BDP1: variants seen among roughly 807,000 people sequenced by gnomAD.
BDP1 encodes the protein transcription factor TFIIIB component B'' homolog.
In BDP1, 169 loss-of-function variants were observed where a neutral mutation model predicts 266.6. That is an observed-to-expected ratio of 0.63 (90% CI 0.56 to 0.72). The LOEUF is 0.72. BDP1 is among the 30% of genes least tolerant of loss of function. The pLI is 0.00. For missense variants in BDP1, 3,015 were observed against 3,053.8 expected, an observed-to-expected ratio of 0.99 and a Z score of 0.30; for synonymous variants, 1,090 against 1,022.4, an observed-to-expected ratio of 1.07 and a Z score of -1.26.
At chr5:71,496,300 C>G (rs912308119) in intron 12 of BDP1, among the ~76,000 whole-genome samples, 2 of 150,592 alleles carry the variant, frequency 1.3e-5, no homozygotes, top group African/African-American at 4.9e-5. Flanking sequence ...CAGTAAAGTA[C>G]TGTCACAATG....
Position 71,545,053 on chromosome 5 carries a change from A to T in BDP1, c.6578A>T (p.Glu2193Val). The T allele has an allele frequency of 6.2e-7, 1 of 1,613,046 alleles. No individual in the cohort carries two copies. The highest frequency in any genetic ancestry group is 8.5e-7 in the Non-Finnish European group (1 of 1,179,744). Residue 2193 changes from glutamate to valine, a missense_variant, in exon 32 of 39, where the codon GAA becomes GTA. By Grantham distance (121) the Glu-to-Val change is moderately radical. Around this residue, in one of 3 missense-constraint regions of BDP1, gnomAD observed 629 missense variants for 632.5 expected, o/e 0.99. Transcript: ENST00000358731. ...VNLTERNENQ[E>V]ESSQEVHMLS... ...CTCTCTTTCAGAAACGAAAATCAAG[A>T]AGAGAGCTCTCAGGAGGTTCACATG...
At chr5:71,484,001 A>G (rs1333463573) in intron 8 of BDP1, 105 bp downstream of exon 8, 2 of 931,650 alleles carry the variant, frequency 2.1e-6, no homozygotes, top group African/African-American at 1.7e-5. Context: ...TTGTTCCTGT[A>G]TTGGCATTAA....
intron 31 of BDP1, 36 bp from the exon 32 acceptor site, chr5:71,545,003 G>C: frequency 6.3e-7 from 1 of 1,592,540 alleles, no homozygotes; most frequent in Non-Finnish European, 8.6e-7. Flanking sequence ...TGATTTGCCT[G>C]ATTTCAAATG....
In BDP1 at chr5:71,491,635, G is replaced by A. The variant is rs571012264; in HGVS notation, c.1640+504G>A. On this transcript the variant is annotated intron_variant, in intron 11 of 38. Coordinates refer to ENST00000358731, the MANE Select transcript of BDP1 (RefSeq NM_018429.3). ...GAATTTTTTTTTACCTTGCATAACT[G>A]CACCTCTATACCTATTGAACAGCAA... 9.6e-4 allele frequency among the ~76,000 whole-genome samples: 146 copies of A among 152,118 alleles called. 2 individuals carry two copies. Among genetic ancestry groups the A allele is most frequent in the African/African-American group, 2.9e-3 (121 of 41,474 alleles).
intron 16 of BDP1, among the ~76,000 whole-genome samples, chr5:71,506,815 A>C (rs1486823467): frequency 1.4e-5 from 2 of 139,752 alleles, no homozygotes; most frequent in South Asian, 2.5e-4. Context: ...ACACACACAC[A>C]CACACACACC....
Position 71,532,223 on chromosome 5 carries a change from A to G in BDP1, c.5773-85A>G, listed in dbSNP as rs1267886184. On this transcript the variant is annotated intron_variant, in intron 25 of 38. Transcript: ENST00000358731. ...GATTATTTCTTCATTTTAGCGTTTCATCTTACTTATTCATGTTGAAGATGA... is the reference window on the plus strand; with the variant it reads ...GATTATTTCTTCATTTTAGCGTTTCGTCTTACTTATTCATGTTGAAGATGA... 5.9e-6 allele frequency: 7 copies of G among 1,187,934 alleles called. No homozygotes were observed. The East Asian group carries it at 1.5e-4, about 25-fold the overall frequency. 73.6% of individuals were successfully genotyped at this position (1,187,934 alleles called of 1,614,324 possible).
chr5:71,469,818 T>G (rs909987076), intron 6 of BDP1, among the ~76,000 whole-genome samples: 10 of 150,242 alleles, frequency 6.7e-5, no homozygotes, highest in African/African-American at 9.8e-5. Context: ...GGTTTCACCA[T>G]GTTGGCCCGG....
chr5:71,575,027 A>G, the BDP1 span, among the ~76,000 whole-genome samples: 2 of 152,232 alleles, frequency 1.3e-5, no homozygotes, highest in African/African-American at 4.8e-5. Context: ...TGTTCAACAA[A>G]GTGCTGAGAT....
chr5:71,509,264 A>ATG (rs1164392501), intron 16 of BDP1, among the ~76,000 whole-genome samples: 1 of 152,136 alleles, frequency 6.6e-6, no homozygotes, highest in East Asian at 1.9e-4. Context: ...ATATATATAT[A>ATG]TTTAAACTTA....
intron 18 of BDP1, among the ~76,000 whole-genome samples, chr5:71,512,973 G>C (rs887492774): frequency 7.0e-6 from 1 of 143,792 alleles, no homozygotes; most frequent in Admixed American, 7.5e-5. Context: ...CAGATGGGAA[G>C]ATCACTTGAG....
chr5:71,486,975 A>AAAAAGG (rs1036343636), intron 9 of BDP1, among the ~76,000 whole-genome samples: 1 of 152,192 alleles, frequency 6.6e-6, no homozygotes, highest in Non-Finnish European at 1.5e-5. Context: ...CTAGGATTAA[A>AAAAAGG]AAAAGGAACT....
intron 8 of BDP1, among the ~76,000 whole-genome samples, chr5:71,485,155 T>G (rs1468534382): frequency 6.6e-6 from 1 of 152,192 alleles, no homozygotes; most frequent in Non-Finnish European, 1.5e-5. Flanking sequence ...TTAAAATTTA[T>G]TGATCTTAAA....
In BDP1 at chr5:71,565,472, T is replaced by C. The variant is rs1743972813; in HGVS notation, c.*587T>C. 1 of 152,458 alleles carries C rather than the reference T, an allele frequency of 6.6e-6. No individual in the cohort carries two copies. Among genetic ancestry groups the C allele is most frequent in the African/African-American group, 2.4e-5 (1 of 41,462 alleles). 9.4% of individuals were successfully genotyped at this position (152,458 alleles called of 1,614,324 possible). A position where few individuals can be genotyped will look rare whatever the true frequency, so the allele number is the denominator to read the frequency against. On this transcript the variant is annotated 3_prime_UTR_variant, in exon 39 of 39. Coordinates refer to ENST00000358731, the MANE Select transcript of BDP1 (RefSeq NM_018429.3). ...ATTATAGCCATCATAACACAGTGCA[T>C]TGCTTTTTTATGTTTAGATATGTTT...
At chr5:71,551,323 CA>C (rs1742737500) in intron 34 of BDP1, among the ~76,000 whole-genome samples, 1 of 152,120 alleles carries the variant, frequency 6.6e-6, no homozygotes, top group Non-Finnish European at 1.5e-5. Context: ...TCTTAACGAG[CA>C]TACTGCGTTC....
intron 37 of BDP1, among the ~76,000 whole-genome samples, chr5:71,561,500 G>A (rs572344889): frequency 6.6e-6 from 1 of 152,334 alleles, no homozygotes; most frequent in Admixed American, 6.5e-5. Flanking sequence ...TTTGTAAAAT[G>A]GCATTTGTAT....
Position 71,455,685 on chromosome 5 carries a change from T to A in BDP1, c.-193T>A, listed in dbSNP as rs1761119557. ...ATTTAGCCATCGGTGTGTGGCAGGG[T>A]CATGAAAAAGCGGCGGCGGCGGGAG... On this transcript the variant is annotated 5_prime_UTR_variant, in exon 1 of 39. Transcript: ENST00000358731. The A allele has an allele frequency of 1.0e-5, 6 of 602,756 alleles. No homozygotes were observed. Among genetic ancestry groups the A allele is most frequent in the Non-Finnish European group, 1.8e-5 (6 of 339,626 alleles). 37.3% of individuals were successfully genotyped at this position (602,756 alleles called of 1,614,324 possible).
intron 11 of BDP1, among the ~76,000 whole-genome samples, chr5:71,491,977 A>G (rs1763624163): frequency 6.6e-6 from 1 of 152,190 alleles, no homozygotes; most frequent in Non-Finnish European, 1.5e-5. Context: ...TGGCCTCCCA[A>G]AGTGCTGGGA....
chr5:71,553,355 A>ATC, intron 35 of BDP1, 35 bp downstream of exon 35: 4 of 1,447,894 alleles, frequency 2.8e-6, no homozygotes, highest in Non-Finnish European at 2.9e-6. Context: ...CAATATGGCC[A>ATC]TTAAGTAAGA....
At chr5:71,569,839 AAC>A (rs902365929), downstream of BDP1, among the ~76,000 whole-genome samples, 1 of 152,244 alleles carries the variant, frequency 6.6e-6, no homozygotes, top group African/African-American at 2.4e-5. Flanking sequence ...CCTAAGGTGT[AAC>A]ACCAACACCA....
Sources: gnomAD v4.1 joint callset for allele counts (sites outside exome capture counted in the v4.1 genomes callset) on GRCh38, gnomAD v4.1.1 for gene constraint, gnomAD v4.1.1 regional missense constraint, MANE v1.5 for transcripts, NCBI Gene and HGNC (gene_info 2026-07-23, HGNC 2026-07-21) for gene names.